INTS14: variants seen among roughly 807,000 people sequenced by gnomAD.
INTS14 encodes the protein UPF0464 protein C15orf44.
INTS14 carries 27 observed loss-of-function variants against 56.9 expected under a neutral mutation model. The observed-to-expected ratio is 0.47, with a 90% CI of 0.35 to 0.65. INTS14 has a LOEUF of 0.65. Ranked by LOEUF, INTS14 falls within the 30% of genes least tolerant of loss-of-function variation. The pLI is 0.00. For synonymous variants in INTS14, 207 were observed against 236.2 expected (o/e 0.88, Z 1.13); for missense variants, 517 against 632.2 (o/e 0.82, Z 1.95).
chr15:65,580,033 C>T lies in INTS14; in HGVS notation c.1306-374G>A, dbSNP rs116002041. On this transcript the variant is annotated intron_variant, in intron 11 of 11. Coordinates refer to ENST00000313182, the MANE Select transcript of INTS14 (RefSeq NM_001394796.1). ...AAAAGACTTGCCCTCAATCTGAAAA[C>T]GCTCTTAACCCTCTGATGCCACTGT... is the stretch of plus-strand genomic sequence containing the variant. Among the ~76,000 whole-genome samples, 574 of 152,242 alleles carry T rather than the reference C, an allele frequency of 3.8e-3. 3 individuals are homozygous for T. The highest frequency in any genetic ancestry group is 0.013 in the African/African-American group (523 of 41,528).
intron 3 of INTS14, among the ~76,000 whole-genome samples, chr15:65,600,835 TAATAA>T (rs1335086663): frequency 1.3e-5 from 2 of 152,210 alleles, no homozygotes; most frequent in East Asian, 3.8e-4. Flanking sequence ...CTATTTCATC[TAATAA>T]AATATTTTTT....
At chr15:65,599,962 A>G (rs1228359346) in intron 3 of INTS14, 33 bp from the exon 4 acceptor site, 3 of 1,596,574 alleles carry the variant, frequency 1.9e-6, no homozygotes, top group Non-Finnish European at 2.6e-6. Flanking sequence ...GAGGTTGTAC[A>G]TTAAATTACA....
chr15:65,591,833 G>C lies in INTS14; in HGVS notation c.987-102C>G, dbSNP rs1011447202. The C allele has an allele frequency of 2.2e-6, 3 of 1,358,452 alleles. No individual in the cohort carries two copies. In the South Asian group the frequency reaches 4.5e-5, roughly 21 times the overall value. 84.1% of individuals were successfully genotyped at this position (1,358,452 alleles called of 1,614,324 possible). On this transcript the variant is annotated intron_variant, in intron 8 of 11. Transcript: ENST00000313182. ...TTTCTCTTGAGAGACACAGGCTTCA[G>C]CTTTGAAATCAGGCACACTACTTTT...
intron 8 of INTS14, among the ~76,000 whole-genome samples, chr15:65,592,551 TC>T: frequency 6.6e-6 from 1 of 152,280 alleles, no homozygotes; most frequent in Non-Finnish European, 1.5e-5. Flanking sequence ...GAATCATGGT[TC>T]TTTCATTACT....
At position 65,607,443 on chromosome 15, in the gene INTS14, C is replaced by T. The variant is rs1318171047; in HGVS notation, c.-62-1G>A. ...ACAGACAGCTATAAACGAAGAAATG[C>T]TGCAGAAAATAAATACGTTCTTACA... On this transcript the variant is annotated splice_acceptor_variant, in intron 1 of 11. Transcript: ENST00000313182. LOFTEE classifies it low-confidence loss of function (5UTR_SPLICE). 2.5e-6 allele frequency: 4 copies of T among 1,590,376 alleles called. No homozygotes were observed. The Admixed American group carries it at 5.2e-5, about 21-fold the overall frequency.
At chr15:65,599,534 A>T in intron 4 of INTS14, 1 of 387,702 alleles carries the variant, frequency 2.6e-6, no homozygotes, top group East Asian at 4.3e-5. Flanking sequence ...TTGACCCTTT[A>T]TGCACCCATC....
chr15:65,610,784 A>T, intron 1 of INTS14: 1 of 1,535,618 alleles, frequency 6.5e-7, no homozygotes, highest in Non-Finnish European at 8.7e-7. Flanking sequence ...CATCTGGGAG[A>T]TGTATTTTTA....
Position 65,593,447 on chromosome 15 carries a change from C to T in INTS14, c.967G>A (p.Val323Ile). Residue 323 changes from valine to isoleucine, a missense_variant, in exon 8 of 12, where the codon GTA (valine) becomes ATA (isoleucine). By Grantham distance (29) the Val-to-Ile change is conservative (BLOSUM62 3). Transcript: ENST00000313182. ...TCCTACCCTAATTGAACAATCGCTA[C>T]CATTCCTTCCACTTTTAGGCTACCA... Reference protein sequence around the residue: ...LHGSLKVEGMVAIVQLGPEWH... With the variant: ...LHGSLKVEGMIAIVQLGPEWH... The T allele has an allele frequency of 5.0e-6, 8 of 1,613,074 alleles. No individual in the cohort carries two copies. The highest frequency in any genetic ancestry group is 1.6e-4 in the Middle Eastern group (1 of 6,062).
At chr15:65,610,146 G>A (rs2073839348) in intron 1 of INTS14, among the ~76,000 whole-genome samples, 1 of 151,556 alleles carries the variant, frequency 6.6e-6, no homozygotes, top group South Asian at 2.1e-4. Flanking sequence ...GATCACCCGA[G>A]GTCAGGAGTT....
At chr15:65,602,681 T>G (rs2073483652) in intron 3 of INTS14, among the ~76,000 whole-genome samples, 1 of 151,966 alleles carries the variant, frequency 6.6e-6, no homozygotes, top group African/African-American at 2.4e-5. Context: ...TTTTTTTTTT[T>G]GAGACGGAGT....
At chr15:65,610,513 G>T (rs571339775) in intron 1 of INTS14, among the ~76,000 whole-genome samples, 25 of 149,134 alleles carry the variant, frequency 1.7e-4, no homozygotes, top group Middle Eastern at 3.5e-3. Context: ...TCTTTCTCAG[G>T]AACAGTCTGA....
intron 4 of INTS14, 76 bp from the exon 5 acceptor site, chr15:65,599,066 GC>G: frequency 9.9e-7 from 1 of 1,008,744 alleles, no homozygotes; most frequent in Admixed American, 2.3e-5. Flanking sequence ...CAAGGTCAAA[GC>G]CATTACGATA....
chr15:65,586,280 T>A (rs1234518236), intron 9 of INTS14: 1 of 152,168 alleles, frequency 6.6e-6, no homozygotes, highest in African/African-American at 2.4e-5. Context: ...AGCGAAGATG[T>A]TATTAGTCCC....
intron 9 of INTS14, among the ~76,000 whole-genome samples, chr15:65,590,649 T>C (rs1405740155): frequency 6.6e-6 from 1 of 152,234 alleles, no homozygotes; most frequent in Admixed American, 6.5e-5. Flanking sequence ...CTGAGTCCTC[T>C]AGGCAGAGCT....
intron 3 of INTS14, among the ~76,000 whole-genome samples, chr15:65,600,679 G>A (rs2073399933): frequency 6.6e-6 from 1 of 151,516 alleles, no homozygotes. Context: ...ACAAAAAAAG[G>A]CACGAGAAAA....
At chr15:65,581,902 T>G (rs2072634501) in intron 11 of INTS14, 52 bp downstream of exon 11, 1 of 1,575,628 alleles carries the variant, frequency 6.3e-7, no homozygotes, top group African/African-American at 1.4e-5. Flanking sequence ...ATCTCACAGT[T>G]TTACTGTCGT....
At chr15:65,583,507 C>T (rs2072703462) in intron 10 of INTS14, among the ~76,000 whole-genome samples, 1 of 152,024 alleles carries the variant, frequency 6.6e-6, no homozygotes, top group East Asian at 1.9e-4. Flanking sequence ...GAAAGAAAAT[C>T]AATGGTTGCC....
chr15:65,593,342 A>G, intron 8 of INTS14, 86 bp downstream of exon 8: 2 of 1,477,666 alleles, frequency 1.4e-6, no homozygotes, highest in Non-Finnish European at 1.8e-6. Flanking sequence ...GGACCTTTCT[A>G]TTTCCTTCAG....
At chr15:65,607,043 G>C in intron 2 of INTS14, 116 bp downstream of exon 2, 2 of 1,271,770 alleles carry the variant, frequency 1.6e-6, no homozygotes, top group Non-Finnish European at 1.1e-6. Flanking sequence ...CACATATTAA[G>C]TACTCATAGA....
Sources: allele counts gnomAD v4.1 joint callset (sites outside exome capture counted in the v4.1 genomes callset), GRCh38; gene constraint gnomAD v4.1.1; transcripts MANE v1.5; gene names NCBI Gene and HGNC (gene_info 2026-07-23, HGNC 2026-07-21).